PTDSS1: variants seen among roughly 807,000 people sequenced by gnomAD.
The protein encoded by PTDSS1 is PSS-1.
In PTDSS1, 45 loss-of-function variants were observed where a neutral mutation model predicts 70.5. That is an observed-to-expected ratio of 0.64 (90% CI 0.50 to 0.82). The LOEUF (loss-of-function observed/expected upper bound fraction) is 0.82, where lower values mean the gene tolerates loss of function less well. Ranked by LOEUF, PTDSS1 falls within the 40% of genes least tolerant of loss-of-function variation. PTDSS1 has a pLI of 0.00. For missense variants in PTDSS1, 417 were observed against 586.1 expected (o/e 0.71, Z 2.98); for synonymous variants, 188 against 203.8 (o/e 0.92, Z 0.66).
At chr8:96,278,946 T>A (rs1810689796) in intron 2 of PTDSS1, among the ~76,000 whole-genome samples, 1 of 150,816 alleles carries the variant, frequency 6.6e-6, no homozygotes, top group Admixed American at 6.6e-5. Context: ...TTTTGTTGTC[T>A]GCAAGAGAAA....
At chr8:96,323,033 G>A (rs917156329) in intron 10 of PTDSS1, among the ~76,000 whole-genome samples, 1 of 152,232 alleles carries the variant, frequency 6.6e-6, no homozygotes, top group Non-Finnish European at 1.5e-5. Context: ...AAGAAAAAAG[G>A]GATAAGCAGT....
At chr8:96,272,638 C>G (rs561801030) in intron 1 of PTDSS1, among the ~76,000 whole-genome samples, 177 of 152,282 alleles carry the variant, frequency 1.2e-3, no homozygotes, top group Non-Finnish European at 1.9e-3. Context: ...GTTACTTAAT[C>G]TTTCTGAACT....
chr8:96,324,236 CTCTTT>C (rs1161772620), intron 10 of PTDSS1, among the ~76,000 whole-genome samples: 1 of 152,170 alleles, frequency 6.6e-6, no homozygotes, highest in African/African-American at 2.4e-5. Flanking sequence ...GAGGCTTTCC[CTCTTT>C]TCTTCTGAGC....
At chr8:96,280,824 G>A (rs1586186824) in intron 2 of PTDSS1, among the ~76,000 whole-genome samples, 1 of 152,154 alleles carries the variant, frequency 6.6e-6, no homozygotes, top group Non-Finnish European at 1.5e-5. Flanking sequence ...CCTGTGGAAA[G>A]CAACCATGAG....
At chr8:96,275,353 G>C (rs549057504) in intron 2 of PTDSS1, among the ~76,000 whole-genome samples, 7 of 152,080 alleles carry the variant, frequency 4.6e-5, no homozygotes, top group African/African-American at 1.4e-4. Context: ...TAGAGATGGG[G>C]TCTCACTATG....
At chr8:96,315,984 A>G (rs1811282674) in intron 9 of PTDSS1, among the ~76,000 whole-genome samples, 2 of 152,184 alleles carry the variant, frequency 1.3e-5, no homozygotes, top group Admixed American at 6.5e-5. Flanking sequence ...GCTGTGCTGA[A>G]GCCTCCAGCC....
At chr8:96,272,347 A>G (rs1253527871) in intron 1 of PTDSS1, among the ~76,000 whole-genome samples, 1 of 152,150 alleles carries the variant, frequency 6.6e-6, no homozygotes, top group Non-Finnish European at 1.5e-5. Flanking sequence ...CTTCCAGAAT[A>G]TATTTATTAT....
chr8:96,281,653 A>G (rs1810738858), intron 2 of PTDSS1, among the ~76,000 whole-genome samples: 1 of 150,756 alleles, frequency 6.6e-6, no homozygotes, highest in African/African-American at 2.4e-5. Context: ...CTTTCCCCTC[A>G]CTCTCCTGGT....
intron 9 of PTDSS1, among the ~76,000 whole-genome samples, chr8:96,319,940 G>A (rs11782711): frequency 0.4 from 61,217 of 152,000 alleles, 13,355 homozygotes; most frequent in East Asian, 0.6. Context: ...CAGCAGAGGC[G>A]GCGTGATCAC....
intron 1 of PTDSS1, among the ~76,000 whole-genome samples, chr8:96,271,373 G>C (rs1359330731): frequency 6.6e-6 from 1 of 152,084 alleles, no homozygotes; most frequent in Non-Finnish European, 1.5e-5. Flanking sequence ...TTCTTAAAAA[G>C]CTTCCTTGTT....
chr8:96,318,902 CTTTTTTTTTTTT>C (rs71267241), intron 9 of PTDSS1, among the ~76,000 whole-genome samples: 4 of 46,168 alleles, frequency 8.7e-5, no homozygotes, highest in Non-Finnish European at 1.2e-4. Flanking sequence ...CCCTTCTTGC[CTTTTTTTTTTTT>C]TTTTTTTTTT....
intron 10 of PTDSS1, among the ~76,000 whole-genome samples, chr8:96,329,937 G>A (rs1364346845): frequency 6.6e-6 from 1 of 152,178 alleles, no homozygotes; most frequent in Non-Finnish European, 1.5e-5. Flanking sequence ...TCAAGAAAAT[G>A]CATCCCACCA....
chr8:96,330,457 C>T (rs534152692), intron 11 of PTDSS1, 176 bp downstream of exon 11: 3 of 623,190 alleles, frequency 4.8e-6, no homozygotes, highest in South Asian at 3.8e-5. Context: ...ATTGCTGGCC[C>T]TGCTTGTGAC....
intron 9 of PTDSS1, among the ~76,000 whole-genome samples, chr8:96,315,139 C>T (rs1811268017): frequency 6.6e-6 from 1 of 152,132 alleles, no homozygotes; most frequent in South Asian, 2.1e-4. Flanking sequence ...GTGTCTTTGC[C>T]CACCCTAATC....
chr8:96,295,009 A>T, intron 4 of PTDSS1, 89 bp from the exon 5 acceptor site: 1 of 1,279,140 alleles, frequency 7.8e-7, no homozygotes, highest in Admixed American at 2.5e-5. Flanking sequence ...TGTCAAGTTC[A>T]TATCTATTCT....
rs747976755 is a variant in PTDSS1 at position 96,299,885 on chromosome 8, A to T, written c.752+40A>T. On this transcript the variant is annotated intron_variant, in intron 6 of 12. Coordinates refer to ENST00000517309, the MANE Select transcript of PTDSS1 (RefSeq NM_014754.3). ...TTTTGGATATTAGTCACAGTTTTTC[A>T]TGATATATATTTAATTGTTTTGGTA... 3 of 1,578,446 alleles carry T rather than the reference A, an allele frequency of 1.9e-6. No individual in the cohort carries two copies. In the South Asian group the frequency reaches 3.5e-5, roughly 19 times the overall value.
chr8:96,319,570 C>T (rs886505902), intron 9 of PTDSS1, among the ~76,000 whole-genome samples: 2 of 151,772 alleles, frequency 1.3e-5, no homozygotes, highest in African/African-American at 4.8e-5. Context: ...ATATTTTCAC[C>T]AAAAACGGGG....
At chr8:96,299,055 A>T (rs1040822798) in intron 5 of PTDSS1, among the ~76,000 whole-genome samples, 6 of 151,954 alleles carry the variant, frequency 3.9e-5, no homozygotes, top group Non-Finnish European at 8.8e-5. Context: ...AAAAAAAAAA[A>T]AATACAACAT....
At chr8:96,309,655 C>T in intron 9 of PTDSS1, 33 bp downstream of exon 9, 1 of 1,603,108 alleles carries the variant, frequency 6.2e-7, no homozygotes, top group South Asian at 1.1e-5. Context: ...GATTTAAAAA[C>T]CACTTAAGCC....
Sources: allele counts gnomAD v4.1 joint callset (sites outside exome capture counted in the v4.1 genomes callset), GRCh38; gene constraint gnomAD v4.1.1; transcripts MANE v1.5; gene names NCBI Gene and HGNC (gene_info 2026-07-23, HGNC 2026-07-21).